Variants in ROBO1 observed in about 807,000 individuals in gnomAD.
The protein encoded by ROBO1 is roundabout guidance receptor 1.
ROBO1 carries 149 observed loss-of-function variants against 195.9 expected under a neutral mutation model. The observed-to-expected ratio is 0.76, with a 90% confidence interval of 0.67 to 0.87. ROBO1 has a LOEUF of 0.87. Among genes scored for constraint, ROBO1 ranks in the 40% least tolerant of loss-of-function variants. The pLI is 0.00. For synonymous variants in ROBO1, 816 were observed against 733.2 expected (o/e 1.11, Z -1.82); for missense variants, 1,933 against 2,068.3 (o/e 0.93, Z 1.27).
chr3:79,502,004 G>A (rs770700753), intron 2 of ROBO1, among the ~76,000 whole-genome samples: 2 of 152,176 alleles, frequency 1.3e-5, no homozygotes. Flanking sequence ...AACATATATC[G>A]GTGTAGAGAA....
At chr3:79,700,317 T>TTGTGTGTGTGTGTTTGTG (rs1947583071) in intron 1 of ROBO1, among the ~76,000 whole-genome samples, 1 of 144,150 alleles carries the variant, frequency 6.9e-6, no homozygotes, top group Non-Finnish European at 1.5e-5. Context: ...GTGTGTGTGT[T>TTGTGTGTGTGTGTTTGTG]TGTGTGTGTG....
chr3:78,665,121 G>A (rs760663931), intron 14 of ROBO1, among the ~76,000 whole-genome samples: 45 of 152,078 alleles, frequency 3.0e-4, no homozygotes, highest in Non-Finnish European at 5.4e-4. Context: ...CCTTTCATGC[G>A]GCCTCATCGA....
intron 2 of ROBO1, among the ~76,000 whole-genome samples, chr3:79,297,439 TA>T (rs886144757): frequency 1.1e-4 from 17 of 152,142 alleles, no homozygotes; most frequent in Admixed American, 7.9e-4. Context: ...AATTCTTTGT[TA>T]TTATGATCTC....
chr3:79,712,977 G>A (rs1702333996), intron 1 of ROBO1, among the ~76,000 whole-genome samples: 1 of 151,990 alleles, frequency 6.6e-6, no homozygotes, highest in African/African-American at 2.4e-5. Context: ...TGCACAACAT[G>A]CAGGTTTGTT....
intron 4 of ROBO1, among the ~76,000 whole-genome samples, chr3:78,842,059 AC>A (rs910796893): frequency 5.3e-5 from 8 of 151,008 alleles, no homozygotes; most frequent in African/African-American, 1.9e-4. Context: ...AACATCAGCA[AC>A]AAAAGCACAA....
intron 2 of ROBO1, among the ~76,000 whole-genome samples, chr3:79,248,374 CAAAAAAAAAAAAAA>C (rs10559171): frequency 2.2e-4 from 8 of 36,208 alleles, no homozygotes; most frequent in Admixed American, 6.3e-4. Context: ...GAAGACAGAC[CAAAAAAAAAAAAAA>C]AAAAAAAAAG....
intron 3 of ROBO1, among the ~76,000 whole-genome samples, chr3:78,951,515 T>TA (rs987396875): frequency 7.9e-5 from 12 of 151,656 alleles, no homozygotes; most frequent in East Asian, 7.7e-4. Context: ...AAGAGGGGGT[T>TA]AAAAAAAACA....
intron 2 of ROBO1, among the ~76,000 whole-genome samples, chr3:79,177,473 C>T (rs902851430): frequency 6.6e-6 from 1 of 152,158 alleles, no homozygotes; most frequent in South Asian, 2.1e-4. Context: ...CCTACCCCAA[C>T]CTTTCCCCTG....
At chr3:79,398,094 A>C (rs1360018636) in intron 2 of ROBO1, among the ~76,000 whole-genome samples, 1 of 152,152 alleles carries the variant, frequency 6.6e-6, no homozygotes, top group African/African-American at 2.4e-5. Flanking sequence ...AGATTTTTAA[A>C]ACTTTTTTTC....
chr3:79,043,215 T>C (rs1010439479), intron 3 of ROBO1, among the ~76,000 whole-genome samples: 1 of 152,230 alleles, frequency 6.6e-6, no homozygotes, highest in South Asian at 2.1e-4. Flanking sequence ...TTTAGCTTAA[T>C]ACAGTACAAA....
At chr3:79,005,063 C>A (rs771128591) in intron 3 of ROBO1, among the ~76,000 whole-genome samples, 1 of 152,156 alleles carries the variant, frequency 6.6e-6, no homozygotes, top group Non-Finnish European at 1.5e-5. Context: ...TTTCAAATAA[C>A]GAAGAATCCG....
At chr3:78,855,077 A>G (rs375409504) in intron 4 of ROBO1, among the ~76,000 whole-genome samples, 7 of 152,200 alleles carry the variant, frequency 4.6e-5, no homozygotes, top group Middle Eastern at 3.4e-3. Flanking sequence ...CCAATATATA[A>G]GCACATGATT....
intron 3 of ROBO1, among the ~76,000 whole-genome samples, chr3:78,960,400 A>G (rs1296788819): frequency 6.7e-6 from 1 of 150,126 alleles, no homozygotes; most frequent in Non-Finnish European, 1.5e-5. Flanking sequence ...TGTAATATCT[A>G]TATTTCTATG....
intron 1 of ROBO1, among the ~76,000 whole-genome samples, chr3:79,620,213 C>G (rs1169377454): frequency 2.0e-5 from 3 of 152,172 alleles, no homozygotes; most frequent in African/African-American, 7.2e-5. Context: ...GGCAACCACT[C>G]CCAGAGCCCC....
At chr3:79,139,944 T>C (rs997351206) in intron 2 of ROBO1, among the ~76,000 whole-genome samples, 4 of 152,116 alleles carry the variant, frequency 2.6e-5, no homozygotes, top group African/African-American at 9.7e-5. Flanking sequence ...TATGAACAAA[T>C]ACATCCTACA....
chr3:79,667,209 A>C (rs1946500509), intron 1 of ROBO1, among the ~76,000 whole-genome samples: 1 of 151,860 alleles, frequency 6.6e-6, no homozygotes, highest in African/African-American at 2.4e-5. Flanking sequence ...AACATTTTAG[A>C]AAGTTTAAAA....
At chr3:78,853,491 T>G (rs961195782) in intron 4 of ROBO1, among the ~76,000 whole-genome samples, 5 of 148,660 alleles carry the variant, frequency 3.4e-5, no homozygotes, top group African/African-American at 5.0e-5. Context: ...ATGTATGTAT[T>G]TATTTATATA....
At chr3:79,040,766 T>C (rs1377309748) in intron 3 of ROBO1, among the ~76,000 whole-genome samples, 1 of 152,240 alleles carries the variant, frequency 6.6e-6, no homozygotes, top group Non-Finnish European at 1.5e-5. Context: ...CTACAATTCC[T>C]AGCTCTTGAT....
chr3:78,625,885 A>G (rs1704737808), intron 26 of ROBO1, among the ~76,000 whole-genome samples: 1 of 152,100 alleles, frequency 6.6e-6, no homozygotes, highest in African/African-American at 2.4e-5. Context: ...AGCGGGAGAG[A>G]GCATGGAGCC....
Sources: gnomAD v4.1 joint callset for allele counts (sites outside exome capture counted in the v4.1 genomes callset) on GRCh38, gnomAD v4.1.1 for gene constraint, MANE v1.5 for transcripts, NCBI Gene and HGNC (gene_info 2026-07-23, HGNC 2026-07-21) for gene names.